CUL1: variants seen among roughly 807,000 people sequenced by gnomAD.
The protein encoded by CUL1 is cullin 1.
A neutral mutation model predicts 118.0 loss-of-function variants in CUL1; 24 were observed. The ratio of observed to expected loss-of-function variants is 0.20; its 90% CI spans 0.15 to 0.29. The LOEUF is 0.29. Ranked by LOEUF, CUL1 falls within the 10% of genes least tolerant of loss-of-function variation. CUL1 has a pLI of 1.00. For missense variants in CUL1, 361 were observed against 933.8 expected (o/e 0.39, Z 7.99); for synonymous variants, 332 against 340.4 (o/e 0.98, Z 0.27).
chr7:148,761,038 A>C (rs1270497280), intron 7 of CUL1, among the ~76,000 whole-genome samples: 1 of 152,120 alleles, frequency 6.6e-6, no homozygotes, highest in Non-Finnish European at 1.5e-5. Flanking sequence ...ATTTTTGTAG[A>C]GATAGGGTCT....
chr7:148,791,943 C>T (rs1801025669), intron 16 of CUL1, among the ~76,000 whole-genome samples: 1 of 152,224 alleles, frequency 6.6e-6, no homozygotes, highest in African/African-American at 2.4e-5. Context: ...AATCCTAGCA[C>T]TTTGGGAGGC....
In CUL1 at chr7:148,787,161, C is replaced by A; in HGVS notation, c.1479+41C>A. 1.2e-6 allele frequency: 2 copies of A among 1,607,292 alleles called. No individual in the cohort carries two copies. Among genetic ancestry groups the A allele is most frequent in the South Asian group, 2.2e-5 (2 of 90,566 alleles). On this transcript the variant is annotated intron_variant, in intron 13 of 21. Transcript: ENST00000325222. The surrounding 1 kb of genome is among the most constrained non-coding windows in gnomAD (Gnocchi z 5.5). ...TCCTGAAAAATCCCAGCTTCTGAGT[C>A]ATTATTAAAACAGCTCTATGGCCGA...
rs1800831052 is a variant in CUL1 at position 148,786,843 on chromosome 7, A to G, written c.1348-146A>G. ...AAACTTTCAAGACTCTGGAGTGGAGATTTTGCCATCATAAACGTTGGCGTA... is the reference window on the plus strand; with the variant it reads ...AAACTTTCAAGACTCTGGAGTGGAGGTTTTGCCATCATAAACGTTGGCGTA... On this transcript the variant is annotated intron_variant, in intron 12 of 21. Coordinates refer to ENST00000325222, the MANE Select transcript of CUL1 (RefSeq NM_003592.3). 2.8e-6 allele frequency: 3 copies of G among 1,079,440 alleles called. No homozygotes were observed. In the South Asian group the frequency reaches 4.6e-5, roughly 16 times the overall value. The allele number at this position is 1,079,440 out of a possible 1,614,324, so 66.9% of individuals were successfully genotyped here. A position where few individuals can be genotyped will look rare whatever the true frequency, so the allele number is the denominator to read the frequency against.
At chr7:148,718,911 A>G (rs1363859022) in intron 1 of CUL1, among the ~76,000 whole-genome samples, 9 of 152,318 alleles carry the variant, frequency 5.9e-5, no homozygotes, top group Non-Finnish European at 1.0e-4. Flanking sequence ...TTATTTGAGA[A>G]GCAGAAACCA....
At chr7:148,715,283 T>G (rs1045625741) in intron 1 of CUL1, among the ~76,000 whole-genome samples, 9 of 152,208 alleles carry the variant, frequency 5.9e-5, no homozygotes, top group African/African-American at 2.2e-4. Context: ...GAGTCCACCA[T>G]TGTCTTCTCA....
chr7:148,727,248 A>G (rs1175184863), intron 1 of CUL1, among the ~76,000 whole-genome samples: 1 of 152,236 alleles, frequency 6.6e-6, no homozygotes, highest in East Asian at 1.9e-4. Flanking sequence ...AATACAAAAC[A>G]TGACTAAATG....
At position 148,728,596 on chromosome 7, in the gene CUL1, C is replaced by T. The variant is rs576793171; in HGVS notation, c.-161-1366C>T. On this transcript the variant is annotated intron_variant, in intron 1 of 21. Coordinates refer to ENST00000325222, the MANE Select transcript of CUL1 (RefSeq NM_003592.3). ...AGAGTGGTTGCTGAGTTGTTAGTTT[C>T]TTAAAACTTGAGGGAGTCCTTGTGT... is the stretch of plus-strand genomic sequence containing the variant. Among the ~76,000 whole-genome samples, 19 of 152,304 alleles carry T rather than the reference C, an allele frequency of 1.2e-4. No individual in the cohort carries two copies. In the East Asian group the frequency reaches 3.1e-3, roughly 25 times the overall value.
Position 148,754,624 on chromosome 7 carries a change from G to C in CUL1, c.315+474G>C, listed in dbSNP as rs143554704. Among the ~76,000 whole-genome samples the C allele has an allele frequency of 5.6e-4, 85 of 152,284 alleles. 1 individual carries two copies. In the East Asian group the frequency reaches 0.015, roughly 26 times the overall value. On this transcript the variant is annotated intron_variant, in intron 3 of 21. Transcript: ENST00000325222. Reference sequence around the variant, plus strand: ...GTATTCAAATTATCTGCATTTTACTGTGAACCCAATGTGGTGTTCCCTATC... The same window carrying C: ...GTATTCAAATTATCTGCATTTTACTCTGAACCCAATGTGGTGTTCCCTATC...
chr7:148,734,702 A>C (rs1056455221), intron 2 of CUL1, among the ~76,000 whole-genome samples: 1 of 152,200 alleles, frequency 6.6e-6, no homozygotes, highest in Non-Finnish European at 1.5e-5. Flanking sequence ...GTTGGAACAC[A>C]AACATGGGTG....
chr7:148,717,483 C>T (rs529357025), intron 1 of CUL1, among the ~76,000 whole-genome samples: 1 of 152,068 alleles, frequency 6.6e-6, no homozygotes, highest in East Asian at 1.9e-4. Context: ...TCCGGTCTGA[C>T]CAGTTACCAC....
At chr7:148,749,415 C>CAAA (rs61460309) in intron 2 of CUL1, among the ~76,000 whole-genome samples, 11,661 of 56,186 alleles carry the variant, frequency 0.21, 2,001 homozygotes, top group African/African-American at 0.37. Flanking sequence ...GACTCCATCT[C>CAAA]AAAAAAAAAA....
At position 148,787,926 on chromosome 7, in the gene CUL1, A is replaced by G. The variant is rs1281246727; in HGVS notation, c.1480-631A>G. ...GGTATCTTTGTCAGCGTGGGCTGCC[A>G]TGACGGAATACCATAGACCAGGTAG... On this transcript the variant is annotated intron_variant, in intron 13 of 21. Transcript: ENST00000325222. The surrounding 1 kb of genome is among the most constrained non-coding windows in gnomAD (Gnocchi z 5.5). Among the ~76,000 whole-genome samples, 1 of 152,244 alleles carries G rather than the reference A, an allele frequency of 6.6e-6. No individual in the cohort carries two copies. The highest frequency in any genetic ancestry group is 1.5e-5 in the Non-Finnish European group (1 of 68,038).
At chr7:148,789,686 T>C in intron 14 of CUL1, 64 bp from the exon 15 acceptor site, 1 of 1,302,666 alleles carries the variant, frequency 7.7e-7, no homozygotes, top group South Asian at 1.2e-5. Flanking sequence ...GATTGAATTT[T>C]TCAGTTTATA....
intron 2 of CUL1, among the ~76,000 whole-genome samples, chr7:148,732,054 A>G (rs948960960): frequency 2.0e-5 from 3 of 152,160 alleles, no homozygotes; most frequent in African/African-American, 4.8e-5. Context: ...GCAGGGTGCT[A>G]TGATGGGTAG....
At chr7:148,739,076 C>A (rs1799056362) in intron 2 of CUL1, among the ~76,000 whole-genome samples, 1 of 152,220 alleles carries the variant, frequency 6.6e-6, no homozygotes, top group African/African-American at 2.4e-5. Context: ...AAATGGCACA[C>A]CTCATAATTC....
intron 1 of CUL1, among the ~76,000 whole-genome samples, chr7:148,699,441 G>A (rs536873997): frequency 6.6e-6 from 1 of 152,162 alleles, no homozygotes; most frequent in African/African-American, 2.4e-5. Context: ...GCCTCGCCTG[G>A]TGAGGCGACC....
At chr7:148,767,555 T>G (rs530966811) in intron 8 of CUL1, 64 bp from the exon 9 acceptor site, 1 of 1,441,796 alleles carries the variant, frequency 6.9e-7, no homozygotes, top group Non-Finnish European at 9.7e-7. Flanking sequence ...TATAAATACA[T>G]AATTAGTAGA....
chr7:148,699,324 C>A (rs1213847493), intron 1 of CUL1, among the ~76,000 whole-genome samples: 5 of 151,630 alleles, frequency 3.3e-5, no homozygotes, highest in Non-Finnish European at 7.4e-5. Flanking sequence ...CGATTCATCG[C>A]GCCTGGAGGC....
intron 2 of CUL1, among the ~76,000 whole-genome samples, chr7:148,737,451 C>CT (rs1798987532): frequency 6.6e-6 from 1 of 151,714 alleles, no homozygotes. Flanking sequence ...TCTTTTATAA[C>CT]TACAGACGGA....
Sources: gnomAD v4.1 joint callset for allele counts (sites outside exome capture counted in the v4.1 genomes callset) on GRCh38, gnomAD v4.1.1 for gene constraint, Gnocchi (gnomAD v3.1) non-coding constraint, MANE v1.5 for transcripts, NCBI Gene and HGNC (gene_info 2026-07-23, HGNC 2026-07-21) for gene names.